TSNARE1: variants seen among roughly 807,000 people sequenced by gnomAD.
TSNARE1 encodes t-SNARE domain containing 1, also known as t-SNARE domain-containing protein 1.
Under a neutral mutation model 62.0 loss-of-function variants are expected in TSNARE1, and 49 were observed. That is an observed-to-expected ratio of 0.79 (90% CI 0.63 to 1.00). The LOEUF (loss-of-function observed/expected upper bound fraction) is 1.00, where lower values mean the gene tolerates loss of function less well. Ranked by LOEUF, TSNARE1 falls within the 50% of genes least tolerant of loss-of-function variation. The pLI, the probability that TSNARE1 is intolerant of heterozygous loss-of-function variation, is 0.00. For missense variants in TSNARE1, 755 were observed against 700.1 expected, an observed-to-expected ratio of 1.08 and a Z score of -0.88; for synonymous variants, 328 against 294.4, an observed-to-expected ratio of 1.11 and a Z score of -1.17.
chr8:142,224,749 C>T (rs1465976691), intron 13 of TSNARE1, among the ~76,000 whole-genome samples: 10 of 151,798 alleles, frequency 6.6e-5, no homozygotes, highest in Non-Finnish European at 1.2e-4. Context: ...CCTCTTGGAG[C>T]TCCCAGGCTG....
chr8:142,352,044 G>A (rs925151231), intron 2 of TSNARE1, among the ~76,000 whole-genome samples: 10 of 152,368 alleles, frequency 6.6e-5, no homozygotes, highest in African/African-American at 2.4e-4. Flanking sequence ...AGTCCCGAAG[G>A]GAATGATGGA....
intron 12 of TSNARE1, among the ~76,000 whole-genome samples, chr8:142,233,323 G>T (rs923930157): frequency 6.6e-6 from 1 of 152,190 alleles, no homozygotes; most frequent in Non-Finnish European, 1.5e-5. Flanking sequence ...CCCAAGCGGG[G>T]TTTTTGGACG....
chr8:142,393,648 C>T (rs896163227), intron 1 of TSNARE1, among the ~76,000 whole-genome samples: 11 of 152,318 alleles, frequency 7.2e-5, no homozygotes, highest in East Asian at 1.9e-4. Flanking sequence ...TCTGACTCCC[C>T]GAGCACCTGC....
intron 12 of TSNARE1, among the ~76,000 whole-genome samples, chr8:142,255,426 C>G (rs1818384003): frequency 9.5e-6 from 1 of 105,688 alleles, no homozygotes. Flanking sequence ...CCATCACCAC[C>G]ACCACCACTG....
intron 7 of TSNARE1, 37 bp downstream of exon 7, chr8:142,318,507 C>G (rs1217002834): frequency 6.3e-7 from 1 of 1,593,342 alleles, no homozygotes; most frequent in Non-Finnish European, 8.6e-7. Flanking sequence ...GGGTCCATTC[C>G]TCTCCTCCCT....
intron 12 of TSNARE1, chr8:142,274,301 C>T: frequency 2.0e-6 from 2 of 985,444 alleles, no homozygotes; most frequent in Non-Finnish European, 2.4e-6. Context: ...CAACAAGGCC[C>T]AGTGAGTGGC....
chr8:142,227,461 ACAAC>A (rs1816891297), intron 13 of TSNARE1, among the ~76,000 whole-genome samples: 1 of 145,988 alleles, frequency 6.8e-6, no homozygotes, highest in African/African-American at 2.6e-5. Flanking sequence ...CACTGCACCC[ACAAC>A]CACAATGGCA....
At chr8:142,313,394 G>A (rs1415116029) in intron 9 of TSNARE1, among the ~76,000 whole-genome samples, 1 of 144,686 alleles carries the variant, frequency 6.9e-6, no homozygotes, top group Non-Finnish European at 1.5e-5. Context: ...CTATGTGTCT[G>A]CGTGTCTGTG....
chr8:142,374,250 A>T (rs1836138626), intron 1 of TSNARE1, among the ~76,000 whole-genome samples: 1 of 151,980 alleles, frequency 6.6e-6, no homozygotes, highest in Non-Finnish European at 1.5e-5. Context: ...GGTTGCAGTG[A>T]GCCGAGATTA....
intron 10 of TSNARE1, among the ~76,000 whole-genome samples, chr8:142,297,551 G>T (rs1183379827): frequency 6.6e-6 from 1 of 152,198 alleles, no homozygotes; most frequent in Non-Finnish European, 1.5e-5. Context: ...TGTGGGAGGA[G>T]AGATGAGGGG....
intron 11 of TSNARE1, chr8:142,275,491 G>A (rs1363708050): frequency 1.0e-6 from 1 of 985,302 alleles, no homozygotes; most frequent in Non-Finnish European, 1.2e-6. Context: ...CACCAGACCA[G>A]GGCCGGGGCA....
chr8:142,320,962 G>A (rs1008306764), intron 6 of TSNARE1, among the ~76,000 whole-genome samples: 3 of 152,202 alleles, frequency 2.0e-5, no homozygotes, highest in Non-Finnish European at 4.4e-5. Flanking sequence ...TCTCTTTCCA[G>A]GCAGGATCTC....
chr8:142,255,755 C>T (rs146297144), intron 12 of TSNARE1, among the ~76,000 whole-genome samples: 2 of 59,580 alleles, frequency 3.4e-5, no homozygotes, highest in African/African-American at 9.2e-5. Context: ...ACCATCACCA[C>T]CACCATCACC....
At chr8:142,264,021 C>T (rs1357337536) in intron 12 of TSNARE1, among the ~76,000 whole-genome samples, 1 of 152,132 alleles carries the variant, frequency 6.6e-6, no homozygotes, top group Non-Finnish European at 1.5e-5. Context: ...TTTTTAATGT[C>T]TATTTTAATT....
intron 1 of TSNARE1, among the ~76,000 whole-genome samples, chr8:142,368,488 A>G (rs899985338): frequency 6.6e-6 from 1 of 152,220 alleles, no homozygotes; most frequent in Non-Finnish European, 1.5e-5. Flanking sequence ...CTGAAGCGTC[A>G]GGGCCATGGA....
chr8:142,259,855 C>T (rs956405492), intron 12 of TSNARE1, among the ~76,000 whole-genome samples: 2 of 152,188 alleles, frequency 1.3e-5, no homozygotes, highest in Non-Finnish European at 2.9e-5. Context: ...ACGCCTTCCC[C>T]CGGGGGCACC....
chr8:142,286,589 G>A (rs537304472), intron 10 of TSNARE1, among the ~76,000 whole-genome samples: 1 of 152,330 alleles, frequency 6.6e-6, no homozygotes, highest in African/African-American at 2.4e-5. Context: ...ACGAAAGGAT[G>A]GGTGCGGGTT....
chr8:142,269,891 T>G, intron 12 of TSNARE1: 1 of 985,460 alleles, frequency 1.0e-6, no homozygotes, highest in Non-Finnish European at 1.2e-6. Flanking sequence ...GACAAGTTAC[T>G]GACACATTGC....
intron 10 of TSNARE1, among the ~76,000 whole-genome samples, chr8:142,286,390 A>G (rs1160841397): frequency 6.6e-6 from 1 of 152,252 alleles, no homozygotes; most frequent in South Asian, 2.1e-4. Flanking sequence ...TGGGAAATGA[A>G]GCAATTAGCA....
Sources: allele counts gnomAD v4.1 joint callset (sites outside exome capture counted in the v4.1 genomes callset), GRCh38; gene constraint gnomAD v4.1.1; transcripts MANE v1.5; gene names NCBI Gene and HGNC (gene_info 2026-07-23, HGNC 2026-07-21).